NBEA: variants seen among roughly 807,000 people sequenced by gnomAD.
The protein encoded by NBEA is lysosomal-trafficking regulator 2.
NBEA carries 44 observed loss-of-function variants against 343.4 expected under a neutral mutation model. That is an observed-to-expected ratio of 0.13 (90% CI 0.10 to 0.16). The LOEUF (loss-of-function observed/expected upper bound fraction) is 0.16. Among genes scored for constraint, NBEA ranks in the 10% least tolerant of loss-of-function variants. The pLI, the probability that NBEA is intolerant of heterozygous loss-of-function variation, is 1.00. For missense variants in NBEA, 2,555 were observed against 3,631.3 expected, an observed-to-expected ratio of 0.70 and a Z score of 7.62; for synonymous variants, 1,175 against 1,238.7, an observed-to-expected ratio of 0.95 and a Z score of 1.08.
intron 49 of NBEA, among the ~76,000 whole-genome samples, chr13:35,642,027 C>G (rs1455633687): frequency 6.6e-6 from 1 of 152,106 alleles, no homozygotes; most frequent in African/African-American, 2.4e-5. Context: ...TAAGTACAAG[C>G]AAATCTATAT....
chr13:35,363,101 G>A (rs73494522), intron 38 of NBEA, among the ~76,000 whole-genome samples: 1,831 of 152,052 alleles, frequency 0.012, 46 homozygotes, highest in African/African-American at 0.042. Flanking sequence ...ATACTAAGGC[G>A]TTTATTTAAA....
intron 38 of NBEA, among the ~76,000 whole-genome samples, chr13:35,356,718 G>T (rs76795485): frequency 6.6e-6 from 1 of 151,906 alleles, no homozygotes; most frequent in Non-Finnish European, 1.5e-5. Flanking sequence ...TCACCATTAC[G>T]TCTGACCTCA....
chr13:35,466,554 A>C (rs533242831), intron 40 of NBEA, among the ~76,000 whole-genome samples: 20 of 152,216 alleles, frequency 1.3e-4, no homozygotes, highest in Admixed American at 1.3e-3. Context: ...TGCAGCCTTG[A>C]CTTCCAGGGC....
chr13:35,289,745 A>G (rs951175522), intron 34 of NBEA, among the ~76,000 whole-genome samples: 11 of 151,906 alleles, frequency 7.2e-5, no homozygotes, highest in African/African-American at 2.2e-4. Flanking sequence ...TAAGTGATCA[A>G]TGAGTAGTAG....
chr13:35,025,159 G>T (rs909684593), intron 1 of NBEA, among the ~76,000 whole-genome samples: 1 of 152,112 alleles, frequency 6.6e-6, no homozygotes, highest in African/African-American at 2.4e-5. Context: ...CTTTTGCTGT[G>T]CAGAAGCTCT....
At chr13:35,347,066 T>G (rs887334810) in intron 36 of NBEA, among the ~76,000 whole-genome samples, 3 of 152,192 alleles carry the variant, frequency 2.0e-5, no homozygotes, top group African/African-American at 7.2e-5. Context: ...CACACTCACC[T>G]CAAAGACATA....
chr13:35,342,901 G>C (rs2039666579), intron 36 of NBEA, among the ~76,000 whole-genome samples: 1 of 151,660 alleles, frequency 6.6e-6, no homozygotes, highest in Non-Finnish European at 1.5e-5. Flanking sequence ...TATTGGGCTA[G>C]AATTAAATAC....
At chr13:34,970,850 A>G (rs1274692277) in intron 1 of NBEA, among the ~76,000 whole-genome samples, 1 of 152,190 alleles carries the variant, frequency 6.6e-6, no homozygotes, top group Non-Finnish European at 1.5e-5. Flanking sequence ...TGCTCTGGCT[A>G]TTCAGGCTCT....
intron 51 of NBEA, among the ~76,000 whole-genome samples, chr13:35,647,674 C>T (rs994813913): frequency 4.6e-5 from 7 of 152,118 alleles, no homozygotes; most frequent in African/African-American, 1.7e-4. Flanking sequence ...TCAAGCAATT[C>T]TCCTGCCTTA....
At chr13:35,603,429 T>C (rs1187561964) in intron 47 of NBEA, among the ~76,000 whole-genome samples, 1 of 152,214 alleles carries the variant, frequency 6.6e-6, no homozygotes, top group Non-Finnish European at 1.5e-5. Context: ...CCTATGTTTC[T>C]TGCGCCTTTG....
intron 24 of NBEA, chr13:35,165,129 T>C: frequency 1.9e-6 from 1 of 533,770 alleles, no homozygotes; most frequent in Non-Finnish European, 3.9e-6. Context: ...ATCCTTAAGC[T>C]CAGAAAGCAT....
chr13:35,606,361 T>G, intron 47 of NBEA, 65 bp from the exon 48 acceptor site: 3 of 881,890 alleles, frequency 3.4e-6, no homozygotes, highest in Non-Finnish European at 4.7e-6. Context: ...AAGTTATAAG[T>G]TAATAGTTTT....
intron 33 of NBEA, among the ~76,000 whole-genome samples, chr13:35,223,100 C>G (rs1301564545): frequency 6.6e-6 from 1 of 152,036 alleles, no homozygotes; most frequent in Admixed American, 6.6e-5. Context: ...CCACTGCACT[C>G]TAGCCTGGGC....
At chr13:35,410,886 A>T (rs1403072425) in intron 38 of NBEA, among the ~76,000 whole-genome samples, 1 of 152,056 alleles carries the variant, frequency 6.6e-6, no homozygotes, top group Non-Finnish European at 1.5e-5. Flanking sequence ...AAGTCAGAGG[A>T]CTCTCTGATG....
At chr13:35,163,638 A>C (rs959798590) in intron 23 of NBEA, among the ~76,000 whole-genome samples, 13 of 151,618 alleles carry the variant, frequency 8.6e-5, no homozygotes. Flanking sequence ...AAAAAATTAT[A>C]TTCTTGACTG....
intron 37 of NBEA, among the ~76,000 whole-genome samples, chr13:35,350,188 G>T (rs117823446): frequency 6.6e-6 from 1 of 152,206 alleles, no homozygotes; most frequent in East Asian, 1.9e-4. Flanking sequence ...TAATTTGTGA[G>T]GATATAAGCA....
chr13:35,509,373 C>CAG (rs112003801), intron 41 of NBEA, among the ~76,000 whole-genome samples: 185 of 149,904 alleles, frequency 1.2e-3, no homozygotes, highest in Middle Eastern at 3.4e-3. Context: ...TGTGTAGAGT[C>CAG]AGAGAGAGAG....
intron 27 of NBEA, among the ~76,000 whole-genome samples, chr13:35,174,360 G>GTTTGTTGTT (rs2070710581): frequency 3.9e-5 from 6 of 152,074 alleles, no homozygotes; most frequent in Non-Finnish European, 8.8e-5. Flanking sequence ...GTCTAGGGTT[G>GTTTGTTGTT]TTCCTTCTGT....
intron 41 of NBEA, among the ~76,000 whole-genome samples, chr13:35,501,425 GT>G (rs1401114746): frequency 1.3e-5 from 2 of 152,114 alleles, no homozygotes; most frequent in Non-Finnish European, 2.9e-5. Flanking sequence ...ATATATGACT[GT>G]TAATCCTCAA....
Sources: allele counts gnomAD v4.1 joint callset (sites outside exome capture counted in the v4.1 genomes callset), GRCh38; gene constraint gnomAD v4.1.1; transcripts MANE v1.5; gene names NCBI Gene and HGNC (gene_info 2026-07-23, HGNC 2026-07-21).